The following ARHGEF17 variants were observed in gnomAD, a reference collection of about 807,000 sequenced individuals.
ARHGEF17 encodes the protein 164 kDa Rho-specific guanine-nucleotide exchange factor.
Under a neutral mutation model 174.0 loss-of-function variants are expected in ARHGEF17, and 80 were observed. That is an observed-to-expected ratio of 0.46 (90% CI 0.38 to 0.55). The LOEUF is 0.55. Among genes scored for constraint, ARHGEF17 ranks in the 20% least tolerant of loss-of-function variants. The probability of loss-of-function intolerance (pLI) is 0.00; values close to 1 mark genes in which losing one functional copy is unlikely to be tolerated. For synonymous variants in ARHGEF17, 1,311 were observed against 1,189.1 expected (o/e 1.10, Z -2.11); for missense variants, 2,886 against 2,839.7 (o/e 1.02, Z -0.37).
intron 7 of ARHGEF17, 88 bp downstream of exon 7, chr11:73,356,847 C>T: frequency 1.5e-5 from 24 of 1,588,078 alleles, no homozygotes; most frequent in Non-Finnish European, 2.1e-5. Flanking sequence ...GCAGGTCTCC[C>T]TGCTCTTTCA....
intron 1 of ARHGEF17, among the ~76,000 whole-genome samples, chr11:73,323,804 GC>G (rs1865057487): frequency 6.6e-6 from 1 of 152,222 alleles, no homozygotes; most frequent in Non-Finnish European, 1.5e-5. Context: ...AGAAGGGTGG[GC>G]CCGGCCTGCC....
At chr11:73,319,213 G>A (rs1375114983) in intron 1 of ARHGEF17, among the ~76,000 whole-genome samples, 1 of 151,998 alleles carries the variant, frequency 6.6e-6, no homozygotes, top group Non-Finnish European at 1.5e-5. Context: ...ACAGGCATGC[G>A]CCACCACATC....
intron 1 of ARHGEF17, chr11:73,343,222 C>T (rs1443964946): frequency 5.0e-6 from 2 of 398,372 alleles, no homozygotes; most frequent in South Asian, 1.3e-4. Flanking sequence ...GCCGCCGCCT[C>T]CGGGGAGCCT....
chr11:73,334,322 CAG>C (rs1320511759), intron 1 of ARHGEF17, among the ~76,000 whole-genome samples: 1 of 152,144 alleles, frequency 6.6e-6, no homozygotes, highest in African/African-American at 2.4e-5. Context: ...GGCGTTTAAA[CAG>C]GGCCAAGAGC....
At chr11:73,339,220 C>T (rs1865331405) in intron 1 of ARHGEF17, among the ~76,000 whole-genome samples, 2 of 152,206 alleles carry the variant, frequency 1.3e-5, no homozygotes, top group South Asian at 4.1e-4. Context: ...AGACCTCTTT[C>T]CTTACCTTTA....
Position 73,365,281 on chromosome 11 carries a change from C to A in ARHGEF17, c.5551-109C>A. ...TTCGAAAGGTTAATCAGACCAAGGA[C>A]CAACGCTAGTGTGAGTTGTGAGGGA... On this transcript the variant is annotated intron_variant, in intron 18 of 20. Transcript: ENST00000263674. The surrounding 1 kb of genome is among the most constrained non-coding windows in gnomAD (Gnocchi z 4.9). 2 of 1,279,194 alleles carry A rather than the reference C, an allele frequency of 1.6e-6. No individual in the cohort carries two copies. The highest frequency in any genetic ancestry group is 1.4e-5 in the South Asian group (1 of 72,456). The allele number at this position is 1,279,194 out of a possible 1,614,324, so 79.2% of individuals were successfully genotyped here. A position where few individuals can be genotyped will look rare whatever the true frequency, so the allele number is the denominator to read the frequency against.
chr11:73,337,163 C>T (rs917628170), intron 1 of ARHGEF17, among the ~76,000 whole-genome samples: 77 of 152,184 alleles, frequency 5.1e-4, no homozygotes, highest in African/African-American at 1.7e-3. Flanking sequence ...CAGTGGCTCG[C>T]GCCTATAATC....
At chr11:73,326,800 A>G (rs894354302) in intron 1 of ARHGEF17, among the ~76,000 whole-genome samples, 2 of 152,274 alleles carry the variant, frequency 1.3e-5, no homozygotes, top group Non-Finnish European at 2.9e-5. Context: ...ACACAGAAGT[A>G]TAAAGCAGGC....
chr11:73,342,697 G>A (rs1355522277), intron 1 of ARHGEF17, among the ~76,000 whole-genome samples: 1 of 152,252 alleles, frequency 6.6e-6, no homozygotes, highest in African/African-American at 2.4e-5. Context: ...GTGTGCCGGC[G>A]CTGGGTACAG....
intron 9 of ARHGEF17, among the ~76,000 whole-genome samples, chr11:73,358,519 A>G (rs1865683904): frequency 1.5e-5 from 2 of 134,626 alleles, no homozygotes; most frequent in African/African-American, 5.8e-5. Flanking sequence ...GTGCAGTGGC[A>G]CGATCTCGGC....
At position 73,309,527 on chromosome 11, in the gene ARHGEF17, C is replaced by T; in HGVS notation, c.889C>T (p.Pro297Ser). The change falls in exon 1 of 21, where the codon CCT becomes TCT. Residue 297 changes from proline (P) to serine (S), a missense_variant. Transcript: ENST00000263674. ...CTGGGGAGGGAGGCCCGGGCTCAGG[C>T]CTGGAAGCTCCCTATTGGATCAGGA... ...HRWGGRPGLRPGSSLLDQDCR... is the reference protein window; with the variant it reads ...HRWGGRPGLRSGSSLLDQDCR... 6.3e-7 allele frequency: 1 copy of T among 1,581,204 alleles called. No homozygotes were observed. The highest frequency in any genetic ancestry group is 8.6e-7 in the Non-Finnish European group (1 of 1,158,622).
intron 1 of ARHGEF17, among the ~76,000 whole-genome samples, chr11:73,346,200 A>G (rs1352881766): frequency 1.3e-5 from 2 of 152,070 alleles, no homozygotes; most frequent in African/African-American, 2.4e-5. Flanking sequence ...AATAACATAT[A>G]CCTCACAGGG....
In ARHGEF17 at chr11:73,352,897, T is replaced by C. The variant is rs773243570; in HGVS notation, c.3338T>C (p.Ile1113Thr). Residue 1113 changes from isoleucine to threonine, a missense_variant, in exon 3 of 21, where the codon ATC (isoleucine) becomes ACC (threonine). Transcript: ENST00000263674. ...VLCDPSLVDE[I>T]FDQIPELLEH... is the part of the protein sequence containing the mutation. ...TGTGACCCTTCACTGGTGGACGAGA[T>C]CTTCGACCAGATCCCCGAGCTCCTG... The C allele has an allele frequency of 6.2e-7, 1 of 1,613,938 alleles. No homozygotes were observed. Among genetic ancestry groups the C allele is most frequent in the Non-Finnish European group, 8.5e-7 (1 of 1,180,024 alleles).
chr11:73,310,057 G>A lies in ARHGEF17; in HGVS notation c.1419G>A (p.Thr473=), dbSNP rs1202605113. The change falls in exon 1 of 21, where the codon ACG becomes ACA. Residue 473 remains threonine (T), a synonymous_variant. Transcript: ENST00000263674. ...SNPDIASETL[T]LLSFLRSDLS... is the part of the protein sequence containing the mutation. The stretch of plus-strand genomic sequence containing the variant: ...CAGATATCGCCTCAGAGACCCTGAC[G>A]CTTCTCAGTTTCCTGCGCTCAGACC... 1.9e-6 allele frequency: 3 copies of A among 1,614,038 alleles called. No homozygotes were observed. Among genetic ancestry groups the A allele is most frequent in the South Asian group, 2.2e-5 (2 of 91,090 alleles).
At chr11:73,320,165 C>T (rs962958945) in intron 1 of ARHGEF17, among the ~76,000 whole-genome samples, 1 of 152,038 alleles carries the variant, frequency 6.6e-6, no homozygotes, top group African/African-American at 2.4e-5. Context: ...CCCTTCATCC[C>T]TGAGAGGCCT....
chr11:73,357,354 T>C, intron 9 of ARHGEF17, 27 bp downstream of exon 9: 1 of 1,598,842 alleles, frequency 6.3e-7, no homozygotes, highest in South Asian at 1.1e-5. Context: ...GGGTTCTGGG[T>C]GTTGGGGTCT....
At chr11:73,319,737 C>T (rs1864985615) in intron 1 of ARHGEF17, among the ~76,000 whole-genome samples, 1 of 152,186 alleles carries the variant, frequency 6.6e-6, no homozygotes, top group Non-Finnish European at 1.5e-5. Context: ...AGTGGGGACA[C>T]ACGGGGAAAA....
At chr11:73,367,547 C>A in intron 20 of ARHGEF17, 37 bp from the exon 21 acceptor site, 1 of 1,557,722 alleles carries the variant, frequency 6.4e-7, no homozygotes, top group South Asian at 1.2e-5. Flanking sequence ...AGCCTCCATT[C>A]GCCCCCAAGC....
intron 20 of ARHGEF17, among the ~76,000 whole-genome samples, chr11:73,366,508 C>T (rs1440159984): frequency 2.0e-5 from 3 of 152,100 alleles, no homozygotes; most frequent in Admixed American, 2.0e-4. Flanking sequence ...GTGGGAGGAT[C>T]GCTTGAGCCC....
Sources: gnomAD v4.1 joint callset for allele counts (sites outside exome capture counted in the v4.1 genomes callset) on GRCh38, gnomAD v4.1.1 for gene constraint, Gnocchi (gnomAD v3.1) non-coding constraint, MANE v1.5 for transcripts, NCBI Gene and HGNC (gene_info 2026-07-23, HGNC 2026-07-21) for gene names.